The following DDX21 variants were observed in gnomAD, a reference collection of about 807,000 sequenced individuals.
DDX21 encodes the protein DExD-box helicase 21, also known as nucleolar RNA helicase 2.
A neutral mutation model predicts 90.0 loss-of-function variants in DDX21; 18 were observed. The ratio of observed to expected loss-of-function variants is 0.20; its 90% CI spans 0.14 to 0.30. DDX21 has a LOEUF of 0.30. Ranked by LOEUF, DDX21 falls within the 10% of genes least tolerant of loss-of-function variation. The pLI is 1.00. For missense variants in DDX21, 673 were observed against 944.5 expected, an observed-to-expected ratio of 0.71 and a Z score of 3.77; for synonymous variants, 294 against 318.0, an observed-to-expected ratio of 0.92 and a Z score of 0.80.
rs1842951260 is a variant in DDX21, at chr10:68,967,211, A to C, written c.1090+8A>C. The C allele has an allele frequency of 1.2e-6, 2 of 1,604,188 alleles. No homozygotes were observed. The highest frequency in any genetic ancestry group is 2.7e-5 in the African/African-American group (2 of 74,416). ...GTGTGGCATACAAGAAAGGTAATCCACAAATTCAAGAAGCTGATAAAAAAG... is the reference window on the plus strand; with the variant it reads ...GTGTGGCATACAAGAAAGGTAATCCCCAAATTCAAGAAGCTGATAAAAAAG... On this transcript the variant is annotated splice_region_variant and intron_variant, in intron 6 of 14. Coordinates refer to ENST00000354185, the MANE Select transcript of DDX21 (RefSeq NM_004728.4).
At chr10:68,968,136 G>C (rs1842966057) in intron 6 of DDX21, among the ~76,000 whole-genome samples, 2 of 151,834 alleles carry the variant, frequency 1.3e-5, no homozygotes, top group African/African-American at 4.8e-5. Context: ...TGGCCTCCCA[G>C]AATGCTGGGA....
intron 3 of DDX21, among the ~76,000 whole-genome samples, chr10:68,962,543 G>C (rs1255867404): frequency 6.6e-6 from 1 of 152,180 alleles, no homozygotes; most frequent in Non-Finnish European, 1.5e-5. Context: ...TTGAGCCCAG[G>C]AGTTCAAGGC....
chr10:68,976,263 G>A (rs1476163677), intron 11 of DDX21, among the ~76,000 whole-genome samples: 1 of 150,912 alleles, frequency 6.6e-6, no homozygotes, highest in Non-Finnish European at 1.5e-5. Flanking sequence ...AAAGAAGACA[G>A]GGAAGGGAGG....
At chr10:68,960,937 A>G (rs946314245) in intron 2 of DDX21, among the ~76,000 whole-genome samples, 6 of 152,148 alleles carry the variant, frequency 3.9e-5, no homozygotes, top group Admixed American at 3.9e-4. Context: ...TGAGGGGTTT[A>G]ACCAAATAAA....
chr10:68,972,126 T>C (rs965874836), intron 9 of DDX21, 74 bp downstream of exon 9: 1 of 1,504,966 alleles, frequency 6.6e-7, no homozygotes, highest in South Asian at 1.3e-5. Flanking sequence ...AATTGTATTA[T>C]TTACTTTCAT....
intron 1 of DDX21, chr10:68,956,556 C>A: frequency 7.4e-7 from 1 of 1,352,494 alleles, no homozygotes. Flanking sequence ...TTATAGGCAT[C>A]CACAGGTCGG....
At position 68,971,881 on chromosome 10, in the gene DDX21, T is replaced by A; in HGVS notation, c.1387-10T>A. The A allele has an allele frequency of 1.2e-6, 2 of 1,612,222 alleles. No homozygotes were observed. Among genetic ancestry groups the A allele is most frequent in the Non-Finnish European group, 1.7e-6 (2 of 1,178,526 alleles). ...AACTGGTGTTCTTACATCCGTTTAT[T>A]TATTGGCAGGATGCTCAGTCCTTGC... On this transcript the variant is annotated splice_polypyrimidine_tract_variant and intron_variant, in intron 8 of 14. Transcript: ENST00000354185.
intron 1 of DDX21, chr10:68,956,710 G>A: frequency 9.7e-7 from 1 of 1,033,384 alleles, no homozygotes; most frequent in Non-Finnish European, 1.2e-6. Flanking sequence ...AGAACTCCCG[G>A]CATGAGCGTG....
Position 68,959,901 on chromosome 10 carries a change from A to C in DDX21, c.183A>C (p.Lys61Asn). ...VFPKAKQVKK[K>N]AEPSEVDMNS... Reference sequence around the variant, plus strand: ...CCAAAGCTAAACAAGTTAAAAAGAAAGCAGAGCCTTCTGAAGTTGACATGA... The same window carrying C: ...CCAAAGCTAAACAAGTTAAAAAGAACGCAGAGCCTTCTGAAGTTGACATGA... The change falls in exon 2 of 15, where the codon AAA (lysine) becomes AAC (asparagine). Residue 61 changes from lysine to asparagine, a missense_variant. Around this residue, in one of 4 missense-constraint regions of DDX21, gnomAD observed 204 missense variants for 221.6 expected, o/e 0.92. Coordinates refer to ENST00000354185, the MANE Select transcript of DDX21 (RefSeq NM_004728.4). The C allele has an allele frequency of 6.2e-7, 1 of 1,606,768 alleles. No individual in the cohort carries two copies. The highest frequency in any genetic ancestry group is 8.5e-7 in the Non-Finnish European group (1 of 1,178,664).
rs1390029787 is a variant in DDX21, at chr10:68,960,075, G to A, written c.357G>A (p.Glu119=). The A allele has an allele frequency of 6.2e-7, 1 of 1,608,852 alleles. No homozygotes were observed. The highest frequency in any genetic ancestry group is 1.3e-5 in the African/African-American group (1 of 74,424). ...CCAAAAAAGTGACAAAAAATGAGGA[G>A]CCTTCTGAGGAAGAAATAGATGCTC... ...SKTKKVTKNE[E]PSEEEIDAPK... Residue 119 remains glutamate (E), a synonymous_variant, in exon 2 of 15, where the codon GAG becomes GAA. Coordinates refer to ENST00000354185, the MANE Select transcript of DDX21 (RefSeq NM_004728.4).
chr10:68,969,425 A>C (rs1048283985), intron 7 of DDX21, among the ~76,000 whole-genome samples: 4 of 152,144 alleles, frequency 2.6e-5, no homozygotes, highest in African/African-American at 4.8e-5. Flanking sequence ...GACTACAGGC[A>C]TGCGCTACCA....
rs544882573 is a variant in DDX21 at position 68,975,012 on chromosome 10, G to A, written c.1742+269G>A. On this transcript the variant is annotated intron_variant, in intron 11 of 14. Coordinates refer to ENST00000354185, the MANE Select transcript of DDX21 (RefSeq NM_004728.4). ...CTGTTTATCAAAAAAAAACCAGACC[G>A]TGCTGAAGTAGAATTTCACAAAGTG... Among the ~76,000 whole-genome samples the A allele has an allele frequency of 7.2e-5, 11 of 152,164 alleles. 1 individual carries two copies. The highest frequency in any genetic ancestry group is 3.9e-4 in the Admixed American group (6 of 15,276).
intron 14 of DDX21, 25 bp from the exon 15 acceptor site, chr10:68,982,518 C>T: frequency 3.2e-6 from 5 of 1,581,570 alleles, no homozygotes; most frequent in Non-Finnish European, 4.3e-6. Context: ...TTAAAGCACA[C>T]AAAAACAAAA....
chr10:68,972,084 TTTG>T (rs1365885222), intron 9 of DDX21, 32 bp downstream of exon 9: 1 of 1,583,528 alleles, frequency 6.3e-7, no homozygotes, highest in Non-Finnish European at 8.6e-7. Flanking sequence ...TTTATTTTGT[TTTG>T]TTTTTTTTGG....
intron 10 of DDX21, 148 bp from the exon 11 acceptor site, chr10:68,974,522 T>C: frequency 7.9e-6 from 5 of 629,884 alleles, no homozygotes; most frequent in Non-Finnish European, 2.8e-6. Context: ...GTACTGTCTT[T>C]GTAGCTTTTC....
At chr10:68,958,653 G>T (rs957719200) in intron 1 of DDX21, among the ~76,000 whole-genome samples, 2 of 152,022 alleles carry the variant, frequency 1.3e-5, no homozygotes, top group Non-Finnish European at 2.9e-5. Flanking sequence ...TAGCCAGGAT[G>T]GTCTCCTTCT....
At position 68,959,868 on chromosome 10, in the gene DDX21, T is replaced by G; in HGVS notation, c.150T>G (p.Thr50=). ...KTEEIAEEEE[T]VFPKAKQVKK... is the part of the protein sequence containing the mutation. ...AAGAGATAGCAGAAGAGGAAGAAAC[T>G]GTTTTCCCCAAAGCTAAACAAGTTA... is the stretch of plus-strand genomic sequence containing the variant. Residue 50 remains threonine, a synonymous_variant, in exon 2 of 15, where the codon ACT becomes ACG. Coordinates refer to ENST00000354185, the MANE Select transcript of DDX21 (RefSeq NM_004728.4). 6.3e-7 allele frequency: 1 copy of G among 1,586,502 alleles called. No individual in the cohort carries two copies. The highest frequency in any genetic ancestry group is 8.5e-7 in the Non-Finnish European group (1 of 1,173,880).
Position 68,983,026 on chromosome 10 carries a change from C to T in DDX21, c.*214C>T. On this transcript the variant is annotated 3_prime_UTR_variant, in exon 15 of 15. Coordinates refer to ENST00000354185, the MANE Select transcript of DDX21 (RefSeq NM_004728.4). ...ATTGTTACTTCTTCATCAGTTTTTCCTTTTGAAAGGTGTATGAATTCATTA... is the reference window on the plus strand; with the variant it reads ...ATTGTTACTTCTTCATCAGTTTTTCTTTTTGAAAGGTGTATGAATTCATTA... 1 of 653,142 alleles carries T rather than the reference C, an allele frequency of 1.5e-6. No individual in the cohort carries two copies. The highest frequency in any genetic ancestry group is 2.5e-6 in the Non-Finnish European group (1 of 393,144). The allele number at this position is 653,142 out of a possible 1,614,324, so 40.5% of individuals were successfully genotyped here.
At position 68,981,487 on chromosome 10, in the gene DDX21, A is replaced by AT. The variant is rs776530923; in HGVS notation, c.2038-45dup. The AT allele has an allele frequency of 9.0e-6, 14 of 1,547,318 alleles. No homozygotes were observed. The Admixed American group carries it at 2.5e-4, about 27-fold the overall frequency. On this transcript the variant is annotated intron_variant, in intron 13 of 14. Coordinates refer to ENST00000354185, the MANE Select transcript of DDX21 (RefSeq NM_004728.4). ...GAATACGTGGTCTTTTAAAGGGAGT[A>AT]TTTTTCATGTGCGTTGGTTGGATTA...
Sources: gnomAD v4.1 joint callset for allele counts (sites outside exome capture counted in the v4.1 genomes callset) on GRCh38, gnomAD v4.1.1 for gene constraint, gnomAD v4.1.1 regional missense constraint, MANE v1.5 for transcripts, NCBI Gene and HGNC (gene_info 2026-07-23, HGNC 2026-07-21) for gene names.